Variants in PPP2R2B observed in about 807,000 individuals in gnomAD.
PPP2R2B encodes the protein protein phosphatase 2 regulatory subunit Bbeta, also known as serine/threonine-protein phosphatase 2A 55 kDa regulatory subunit B beta isoform.
Under a neutral mutation model 46.0 loss-of-function variants are expected in PPP2R2B, and 5 were observed. The observed-to-expected ratio is 0.11, with a 90% CI of 0.06 to 0.23. PPP2R2B has a LOEUF of 0.23. Among genes scored for constraint, PPP2R2B ranks in the 10% least tolerant of loss-of-function variants. PPP2R2B has a pLI of 1.00. For synonymous variants in PPP2R2B, 215 were observed against 206.7 expected, an observed-to-expected ratio of 1.04 and a Z score of -0.34; for missense variants, 367 against 575.0, an observed-to-expected ratio of 0.64 and a Z score of 3.70.
intron 1 of PPP2R2B, among the ~76,000 whole-genome samples, chr5:147,002,610 A>G: frequency 6.7e-6 from 1 of 150,114 alleles, no homozygotes; most frequent in African/African-American, 2.5e-5. Flanking sequence ...CAGGTTTTCG[A>G]GAATGCATCA....
At chr5:146,607,045 T>C (rs1251144233) in intron 7 of PPP2R2B, 1 of 152,140 alleles carries the variant, frequency 6.6e-6, no homozygotes, top group East Asian at 1.9e-4. Context: ...AACTGGCAAT[T>C]TTCCTACAGA....
In PPP2R2B at chr5:146,832,378, TC is replaced by T. The variant is rs1323962945; in HGVS notation, c.70+45623del. On this transcript the variant is annotated intron_variant, in intron 2 of 9. Transcript: ENST00000394411. ...ACACAAGTAAGTGTGCCATTTTTAA[TC>T]TTTTTTTTTTTTTTTTTTTTTTTTT... Among the ~76,000 whole-genome samples the T allele has an allele frequency of 4.4e-3, 463 of 104,102 alleles. 14 individuals are homozygous for T. The highest frequency in any genetic ancestry group is 0.01 in the African/African-American group (287 of 27,446). The allele number at this position is 104,102 out of a possible 152,430, so 68.3% of individuals were successfully genotyped here. A position where few individuals can be genotyped will look rare whatever the true frequency, so the allele number is the denominator to read the frequency against.
chr5:146,992,501 T>C (rs1435788993), intron 1 of PPP2R2B, among the ~76,000 whole-genome samples: 1 of 152,164 alleles, frequency 6.6e-6, no homozygotes, highest in Admixed American at 6.5e-5. Flanking sequence ...AGTGACTCTA[T>C]GTTGCGGGGA....
chr5:146,781,131 GATATAT>G (rs56697862), intron 2 of PPP2R2B, among the ~76,000 whole-genome samples: 1,959 of 49,286 alleles, frequency 0.04, 67 homozygotes, highest in Non-Finnish European at 0.056. Context: ...ATGCCACCAT[GATATAT>G]ATATATATAT....
intron 2 of PPP2R2B, among the ~76,000 whole-genome samples, chr5:146,862,148 C>CTTTAG (rs1761044066): frequency 6.6e-6 from 1 of 152,154 alleles, no homozygotes; most frequent in Admixed American, 6.5e-5. Context: ...CATCTTTAAA[C>CTTTAG]TTTAGTTGGG....
chr5:146,687,855 G>A (rs899089855), intron 5 of PPP2R2B, among the ~76,000 whole-genome samples: 1 of 152,144 alleles, frequency 6.6e-6, no homozygotes, highest in African/African-American at 2.4e-5. Context: ...ATTATTAAAT[G>A]TTCTCACTCT....
chr5:146,638,272 G>T lies in PPP2R2B; in HGVS notation c.769C>A (p.Leu257Met), dbSNP rs761230588. 8.1e-6 allele frequency: 13 copies of T among 1,613,974 alleles called. No homozygotes were observed. Among genetic ancestry groups the T allele is most frequent in the Non-Finnish European group, 1.0e-5 (12 of 1,179,866 alleles). ...TCACATTTGGTGTGCCTGTCACACA[G>T]GGCAGATGCCCGCATGTCACACAGC... ...IRLCDMRASA[L>M]CDRHTKFFEE... The change falls in exon 7 of 10, where the codon CTG (leucine) becomes ATG (methionine). Residue 257 changes from leucine to methionine, a missense_variant. By Grantham distance (15) the Leu-to-Met change is conservative (BLOSUM62 2). This residue lies in a region of PPP2R2B where 361 missense variants were observed against 545.5 expected (regional missense o/e 0.66). Transcript: ENST00000394411.
chr5:146,992,591 G>T (rs1447279641), intron 1 of PPP2R2B, among the ~76,000 whole-genome samples: 1 of 152,146 alleles, frequency 6.6e-6, no homozygotes, highest in Admixed American at 6.5e-5. Flanking sequence ...AGGACAAGGG[G>T]CACCTTATCA....
intron 9 of PPP2R2B, among the ~76,000 whole-genome samples, 159 bp from the exon 10 acceptor site, chr5:146,590,385 GTT>G (rs373740293): frequency 8.5e-6 from 1 of 117,732 alleles, no homozygotes; most frequent in African/African-American, 3.0e-5. Context: ...TTGGCTTTTT[GTT>G]TTTTTTTTGT....
At chr5:146,721,293 T>C (rs970688067) in intron 2 of PPP2R2B, among the ~76,000 whole-genome samples, 1 of 152,214 alleles carries the variant, frequency 6.6e-6, no homozygotes, top group Non-Finnish European at 1.5e-5. Flanking sequence ...TTTAGAAACT[T>C]GCAGTGCTAT....
chr5:146,964,578 T>C (rs1254361035), intron 1 of PPP2R2B, among the ~76,000 whole-genome samples: 1 of 152,042 alleles, frequency 6.6e-6, no homozygotes, highest in African/African-American at 2.4e-5. Context: ...CAGACTGGAG[T>C]GCAGTGGCAT....
intron 1 of PPP2R2B, among the ~76,000 whole-genome samples, chr5:146,988,157 A>C (rs1351972803): frequency 1.3e-5 from 2 of 152,034 alleles, no homozygotes; most frequent in Admixed American, 1.3e-4. Flanking sequence ...AATTGACTGC[A>C]ATACAATAAT....
intron 2 of PPP2R2B, among the ~76,000 whole-genome samples, chr5:146,737,349 GC>G (rs549954326): frequency 1.1e-3 from 161 of 152,312 alleles, no homozygotes; most frequent in African/African-American, 3.7e-3. Context: ...CTTGCCAGTA[GC>G]TTTCCAAGAA....
intron 2 of PPP2R2B, among the ~76,000 whole-genome samples, chr5:146,801,613 C>T (rs1173143420): frequency 2.0e-5 from 3 of 152,030 alleles, no homozygotes; most frequent in South Asian, 2.1e-4. Flanking sequence ...GGGGTCAGGC[C>T]GCCTGCCTCT....
intron 8 of PPP2R2B, among the ~76,000 whole-genome samples, chr5:146,594,915 C>T (rs74376619): frequency 0.05 from 7,625 of 152,264 alleles, 243 homozygotes; most frequent in Non-Finnish European, 0.074. Flanking sequence ...CCTGCAACTG[C>T]GGCTCTTTCT....
chr5:146,814,322 T>C (rs1177270329), intron 2 of PPP2R2B, among the ~76,000 whole-genome samples: 1 of 151,974 alleles, frequency 6.6e-6, no homozygotes, highest in East Asian at 1.9e-4. Flanking sequence ...CTACATGAAA[T>C]CCAAAGATGA....
chr5:146,741,213 G>T (rs1752857241), intron 2 of PPP2R2B, among the ~76,000 whole-genome samples: 1 of 152,176 alleles, frequency 6.6e-6, no homozygotes, highest in Non-Finnish European at 1.5e-5. Flanking sequence ...AGTAAGGAAG[G>T]TTCTTGTCTA....
chr5:146,896,060 G>T (rs1762635304), intron 1 of PPP2R2B, among the ~76,000 whole-genome samples: 1 of 152,080 alleles, frequency 6.6e-6, no homozygotes, highest in East Asian at 1.9e-4. Context: ...TTAAACGAAG[G>T]CAGAGGAACT....
rs893600881 is a variant in PPP2R2B at position 146,878,300 on chromosome 5, G to A, written c.-124-105C>T. ...GCGAGGCTGCGGCGGCTCCTCCCGC[G>A]CGGTGCGCTCACTCCAGCTCCAGTT... On this transcript the variant is annotated intron_variant, in intron 1 of 9. Coordinates refer to ENST00000394411, the MANE Select transcript of PPP2R2B (RefSeq NM_181675.4). This position sits in a 1 kb window ranked among gnomAD's most constrained non-coding sequence, Gnocchi z 4.5. 1.4e-5 allele frequency: 20 copies of A among 1,456,036 alleles called. No individual in the cohort carries two copies. Among genetic ancestry groups the A allele is most frequent in the Non-Finnish European group, 1.7e-5 (19 of 1,110,348 alleles). 90.2% of individuals were successfully genotyped at this position (1,456,036 alleles called of 1,614,324 possible).
Sources: gnomAD v4.1 joint callset for allele counts (sites outside exome capture counted in the v4.1 genomes callset) on GRCh38, gnomAD v4.1.1 for gene constraint, gnomAD v4.1.1 regional missense constraint, Gnocchi (gnomAD v3.1) non-coding constraint, MANE v1.5 for transcripts, NCBI Gene and HGNC (gene_info 2026-07-23, HGNC 2026-07-21) for gene names.